The following ELMO1 variants were observed in gnomAD, a reference collection of about 807,000 sequenced individuals.
ELMO1 encodes the protein engulfment and cell motility 1, also known as engulfment and cell motility protein 1.
Under a neutral mutation model 98.9 loss-of-function variants are expected in ELMO1, and 26 were observed. The observed-to-expected ratio is 0.26, with a 90% confidence interval of 0.19 to 0.36. The LOEUF (loss-of-function observed/expected upper bound fraction) is 0.36, where lower values mean the gene tolerates loss of function less well. Among genes scored for constraint, ELMO1 ranks in the 10% least tolerant of loss-of-function variants. The pLI, the probability that ELMO1 is intolerant of heterozygous loss-of-function variation, is 1.00. For synonymous variants in ELMO1, 346 were observed against 346.0 expected (o/e 1.00, Z 0.00); for missense variants, 627 against 935.2 (o/e 0.67, Z 4.30).
At chr7:37,037,672 G>T (rs1467058440) in intron 15 of ELMO1, among the ~76,000 whole-genome samples, 1 of 152,168 alleles carries the variant, frequency 6.6e-6, no homozygotes, top group Non-Finnish European at 1.5e-5. Context: ...GTGAGCTGGG[G>T]TCAACAGAAG....
chr7:36,899,478 T>C (rs1358694261), intron 16 of ELMO1, among the ~76,000 whole-genome samples: 1 of 152,036 alleles, frequency 6.6e-6, no homozygotes, highest in Non-Finnish European at 1.5e-5. Flanking sequence ...AGGTAGGAAG[T>C]ACATGCTTCA....
chr7:37,214,597 T>C (rs1563081838), intron 11 of ELMO1, among the ~76,000 whole-genome samples: 2 of 151,894 alleles, frequency 1.3e-5, no homozygotes, highest in African/African-American at 2.4e-5. Context: ...GATTGAGGAA[T>C]AGAAGAAAGA....
intron 4 of ELMO1, among the ~76,000 whole-genome samples, chr7:37,280,901 T>G (rs1797098873): frequency 6.6e-6 from 1 of 151,890 alleles, no homozygotes; most frequent in South Asian, 2.1e-4. Context: ...TACTTGCACA[T>G]GCACGTTTAT....
chr7:37,085,410 C>T (rs1783709909), intron 15 of ELMO1, among the ~76,000 whole-genome samples: 1 of 152,132 alleles, frequency 6.6e-6, no homozygotes, highest in Admixed American at 6.5e-5. Flanking sequence ...AGCATTTCAT[C>T]ATCTTTTCAG....
chr7:37,093,450 T>C (rs1784222665), intron 15 of ELMO1, among the ~76,000 whole-genome samples: 1 of 152,238 alleles, frequency 6.6e-6, no homozygotes. Context: ...AAAGTGACCA[T>C]GGTCTTCAAG....
At chr7:37,024,516 G>A (rs924701941) in intron 15 of ELMO1, among the ~76,000 whole-genome samples, 1 of 152,194 alleles carries the variant, frequency 6.6e-6, no homozygotes, top group African/African-American at 2.4e-5. Flanking sequence ...TATTATGGAT[G>A]AGTGATGAAC....
intron 16 of ELMO1, among the ~76,000 whole-genome samples, chr7:36,992,049 T>C (rs1024724653): frequency 4.6e-5 from 7 of 152,190 alleles, no homozygotes; most frequent in African/African-American, 1.7e-4. Flanking sequence ...AGTTATAAAA[T>C]ATGAGTCATT....
intron 14 of ELMO1, among the ~76,000 whole-genome samples, chr7:37,105,758 A>G (rs1272963633): frequency 6.6e-6 from 1 of 152,244 alleles, no homozygotes. Context: ...AAAAAGAAAT[A>G]AATCTGATTG....
At chr7:37,180,258 G>A (rs969935451) in intron 13 of ELMO1, among the ~76,000 whole-genome samples, 30 of 152,210 alleles carry the variant, frequency 2.0e-4, no homozygotes, top group Admixed American at 1.3e-3. Context: ...GAAAAATGCC[G>A]TCTCCGTGCC....
At chr7:37,388,735 A>G (rs1201578050) in intron 1 of ELMO1, among the ~76,000 whole-genome samples, 8 of 152,090 alleles carry the variant, frequency 5.3e-5, no homozygotes, top group Non-Finnish European at 1.2e-4. Flanking sequence ...CCCAGGAGAT[A>G]GAGGTTACAG....
At chr7:36,929,749 C>T (rs569895594) in intron 16 of ELMO1, among the ~76,000 whole-genome samples, 1 of 152,270 alleles carries the variant, frequency 6.6e-6, no homozygotes, top group South Asian at 2.1e-4. Flanking sequence ...ATTATATATT[C>T]AAGTCTATGA....
chr7:37,370,804 T>C (rs1002973247), intron 1 of ELMO1, among the ~76,000 whole-genome samples: 1 of 152,228 alleles, frequency 6.6e-6, no homozygotes, highest in African/African-American at 2.4e-5. Flanking sequence ...AACTTTCATG[T>C]ACTCCTGGTG....
At chr7:37,360,281 C>CA (rs1378213785) in intron 1 of ELMO1, among the ~76,000 whole-genome samples, 11 of 152,124 alleles carry the variant, frequency 7.2e-5, no homozygotes. Flanking sequence ...CTGAAAGAAT[C>CA]ACTTTTTGGT....
chr7:36,987,631 A>G (rs986986936), intron 16 of ELMO1, among the ~76,000 whole-genome samples: 4 of 152,124 alleles, frequency 2.6e-5, no homozygotes, highest in Non-Finnish European at 5.9e-5. Context: ...TGTGTTTCTG[A>G]TTCTTGAAGC....
intron 4 of ELMO1, among the ~76,000 whole-genome samples, chr7:37,305,851 G>A (rs1583506478): frequency 6.6e-6 from 1 of 152,264 alleles, no homozygotes; most frequent in Non-Finnish European, 1.5e-5. Flanking sequence ...CACAGAAATA[G>A]TTAAACAACA....
At chr7:37,259,458 C>A in intron 5 of ELMO1, 108 bp from the exon 6 acceptor site, 1 of 1,249,090 alleles carries the variant, frequency 8.0e-7, no homozygotes, top group Non-Finnish European at 1.1e-6. Flanking sequence ...AAGCGCAAGA[C>A]TATCTGCATA....
intron 13 of ELMO1, among the ~76,000 whole-genome samples, chr7:37,209,895 C>T (rs1792855869): frequency 6.6e-6 from 1 of 152,098 alleles, no homozygotes; most frequent in Admixed American, 6.5e-5. Flanking sequence ...ATGCCAAGGT[C>T]GAAACATAAA....
intron 7 of ELMO1, among the ~76,000 whole-genome samples, chr7:37,236,515 G>A (rs543640601): frequency 1.3e-5 from 2 of 152,058 alleles, no homozygotes; most frequent in African/African-American, 4.8e-5. Context: ...AGACAGATAG[G>A]AATATATAAT....
At chr7:37,169,553 T>C (rs975420142) in intron 13 of ELMO1, among the ~76,000 whole-genome samples, 2 of 152,204 alleles carry the variant, frequency 1.3e-5, no homozygotes, top group Non-Finnish European at 2.9e-5. Context: ...TTAGATGTCC[T>C]GAAAAAAATG....
Sources: gnomAD v4.1 joint callset for allele counts (sites outside exome capture counted in the v4.1 genomes callset) on GRCh38, gnomAD v4.1.1 for gene constraint, MANE v1.5 for transcripts, NCBI Gene and HGNC (gene_info 2026-07-23, HGNC 2026-07-21) for gene names.